DPH6: variants seen among roughly 807,000 people sequenced by gnomAD.
DPH6 encodes diphthamine biosynthesis 6, also known as diphthine--ammonia ligase.
Under a neutral mutation model 38.2 loss-of-function variants are expected in DPH6, and 33 were observed. That is an observed-to-expected ratio of 0.86 (90% CI 0.65 to 1.15). The LOEUF is 1.15. Ranked by LOEUF, DPH6 falls within the 50% of genes most tolerant of loss-of-function variation. The pLI is 0.00. For synonymous variants in DPH6, 108 were observed against 103.0 expected (o/e 1.05, Z -0.30); for missense variants, 325 against 320.0 (o/e 1.02, Z -0.12).
intron 3 of DPH6, among the ~76,000 whole-genome samples, chr15:35,506,554 GTCACGA>G (rs1031745530): frequency 6.6e-5 from 10 of 152,256 alleles, no homozygotes; most frequent in African/African-American, 2.4e-4. Context: ...CCCACGCTAG[GTCACGA>G]CCTGAACTCA....
chr15:35,406,177 A>G (rs1231406323), intron 6 of DPH6, among the ~76,000 whole-genome samples: 3 of 152,048 alleles, frequency 2.0e-5, no homozygotes, highest in African/African-American at 7.2e-5. Flanking sequence ...GAGATTTTAA[A>G]GAGAGATTTA....
chr15:35,218,331 C>T (rs575790961), exon 4 of DPH6: 3 of 152,162 alleles, frequency 2.0e-5, no homozygotes, highest in Non-Finnish European at 4.4e-5. Flanking sequence ...TAAGCTAAAT[C>T]TTTGTTATGA....
intron 3 of DPH6, among the ~76,000 whole-genome samples, chr15:35,347,597 A>ACTAAATATTTGGACTAAATATTTG (rs375987019): frequency 0.3 from 45,850 of 151,734 alleles, 7,643 homozygotes; most frequent in African/African-American, 0.44. Flanking sequence ...ATAAACTTGG[A>ACTAAATATTTGGACTAAATATTTG]GTCCAAATAT....
rs1032303208 is a variant in DPH6, at chr15:35,246,866, T to C, written n.201-26284A>G. ...TATGGAAACATACTTTAGGAGCTGA[T>C]GCTTTAAAGTAATTTATTACCTAGA... On this transcript the variant is annotated intron_variant and non_coding_transcript_variant, in intron 3 of 3. Transcript: ENST00000560386. Among the ~76,000 whole-genome samples the C allele has an allele frequency of 1.3e-5, 2 of 152,338 alleles. 1 individual carries two copies. The highest frequency in any genetic ancestry group is 2.9e-5 in the Non-Finnish European group (2 of 68,032).
chr15:35,512,268 C>T (rs979516390), intron 3 of DPH6, among the ~76,000 whole-genome samples: 1 of 152,038 alleles, frequency 6.6e-6, no homozygotes, highest in African/African-American at 2.4e-5. Flanking sequence ...TTAAATGTTG[C>T]CAAACTTAAT....
chr15:35,420,372 A>C (rs925319812), intron 5 of DPH6, among the ~76,000 whole-genome samples: 1 of 152,154 alleles, frequency 6.6e-6, no homozygotes, highest in African/African-American at 2.4e-5. Context: ...AAACAACCTA[A>C]CATTATAGCT....
chr15:35,198,821 G>C, the DPH6 span, among the ~76,000 whole-genome samples: 1 of 152,112 alleles, frequency 6.6e-6, no homozygotes, highest in Non-Finnish European at 1.5e-5. Flanking sequence ...AGTACAGCCA[G>C]GATGTGATTA....
the DPH6 span, among the ~76,000 whole-genome samples, chr15:35,183,194 CA>C: frequency 6.6e-6 from 1 of 152,126 alleles, no homozygotes; most frequent in Admixed American, 6.5e-5. Context: ...ATTAATTTTG[CA>C]AGCAAAGTAT....
chr15:35,435,402 T>C (rs1442496414), intron 5 of DPH6, among the ~76,000 whole-genome samples: 1 of 152,212 alleles, frequency 6.6e-6, no homozygotes, highest in Non-Finnish European at 1.5e-5. Context: ...CAGTAATTGA[T>C]AGATGCAGGA....
chr15:35,440,248 T>G (rs1022811414), intron 5 of DPH6, among the ~76,000 whole-genome samples: 1 of 152,070 alleles, frequency 6.6e-6, no homozygotes, highest in African/African-American at 2.4e-5. Context: ...TTTGGGAAAA[T>G]AAGACAAAGA....
At chr15:35,450,620 C>G (rs935976477) in intron 5 of DPH6, 65 bp downstream of exon 5, 1 of 1,283,516 alleles carries the variant, frequency 7.8e-7, no homozygotes, top group Non-Finnish European at 1.1e-6. Flanking sequence ...ATTTTAACTA[C>G]TTATTAGTGA....
chr15:35,531,844 A>G (rs1360854485), intron 3 of DPH6, among the ~76,000 whole-genome samples: 1 of 152,150 alleles, frequency 6.6e-6, no homozygotes, highest in Admixed American at 6.6e-5. Context: ...AAGAGCCTCC[A>G]TATGTCAGGA....
chr15:35,433,947 G>C (rs2053663322), intron 5 of DPH6, among the ~76,000 whole-genome samples: 1 of 152,144 alleles, frequency 6.6e-6, no homozygotes, highest in Non-Finnish European at 1.5e-5. Context: ...AGAGAAGGGA[G>C]GTAGAGATAT....
In DPH6 at chr15:35,538,430, T is replaced by C; in HGVS notation, c.156A>G (p.Thr52=). Residue 52 remains threonine (T), a synonymous_variant, in exon 3 of 9, where the codon ACA becomes ACG. Coordinates refer to ENST00000256538, the MANE Select transcript of DPH6 (RefSeq NM_080650.4). ...ACAAGTCAATGGCATGGTGCCCCAC[T>C]GTCTGATACATGTAGCTATCCAGTT... ...SDELDSYMYQ[T]VGHHAIDLYA... The C allele has an allele frequency of 1.3e-6, 2 of 1,590,066 alleles. No individual in the cohort carries two copies. The highest frequency in any genetic ancestry group is 2.2e-5 in the East Asian group (1 of 44,454).
intron 3 of DPH6, among the ~76,000 whole-genome samples, chr15:35,513,264 T>C (rs973629591): frequency 3.9e-5 from 6 of 152,074 alleles, no homozygotes. Context: ...ATTTAAAACA[T>C]AATTTTTCTA....
downstream of DPH6, among the ~76,000 whole-genome samples, chr15:35,368,326 G>A (rs2052678717): frequency 6.6e-6 from 1 of 151,834 alleles, no homozygotes; most frequent in Non-Finnish European, 1.5e-5. Context: ...TATCACTAGA[G>A]CAAAGTGGAC....
the DPH6 span, among the ~76,000 whole-genome samples, chr15:35,198,986 C>G: frequency 2.6e-5 from 4 of 151,818 alleles, no homozygotes; most frequent in African/African-American, 9.7e-5. Context: ...ATGGCGCAAT[C>G]TCAGCTCACT....
intron 3 of DPH6, among the ~76,000 whole-genome samples, chr15:35,312,935 T>C (rs2052156774): frequency 6.6e-6 from 1 of 152,178 alleles, no homozygotes; most frequent in Non-Finnish European, 1.5e-5. Flanking sequence ...TCGTAGTAAA[T>C]TTTGAAGTCA....
intron 3 of DPH6, among the ~76,000 whole-genome samples, chr15:35,271,048 T>C (rs1361808366): frequency 6.6e-6 from 1 of 152,086 alleles, no homozygotes; most frequent in East Asian, 1.9e-4. Flanking sequence ...ATAGAGAGGA[T>C]TTAGAATTGA....
Sources: gnomAD v4.1 joint callset for allele counts (sites outside exome capture counted in the v4.1 genomes callset) on GRCh38, gnomAD v4.1.1 for gene constraint, MANE v1.5 for transcripts, NCBI Gene and HGNC (gene_info 2026-07-23, HGNC 2026-07-21) for gene names.